GABRB2: variants seen among roughly 807,000 people sequenced by gnomAD.
GABRB2 encodes the protein gamma-aminobutyric acid type A receptor subunit beta2.
GABRB2 carries 16 observed loss-of-function variants against 54.7 expected under a neutral mutation model. The ratio of observed to expected loss-of-function variants is 0.29; its 90% CI spans 0.20 to 0.44. GABRB2 has a LOEUF of 0.44. Among genes scored for constraint, GABRB2 ranks in the 20% least tolerant of loss-of-function variants. The pLI, the probability that GABRB2 is intolerant of heterozygous loss-of-function variation, is 1.00. For missense variants in GABRB2, 355 were observed against 644.0 expected (o/e 0.55, Z 4.86); for synonymous variants, 244 against 233.8 (o/e 1.04, Z -0.40).
At position 161,331,077 on chromosome 5, in the gene GABRB2, T is replaced by C; in HGVS notation, c.883A>G (p.Thr295Ala). ...MTTINTHLRE[T>A]LPKIPYVKAI... ...TTCACATAGGGGATTTTAGGGAGAG[T>C]TTCCCGGAGGTGGGTGTTGATTGTG... The change falls in exon 8 of 10, where the codon ACT (threonine) becomes GCT (alanine). Residue 295 changes from threonine (T) to alanine (A), a missense_variant. By Grantham distance (58) the Thr-to-Ala change is moderately conservative. Around this residue, in one of 6 missense-constraint regions of GABRB2, gnomAD observed 25 missense variants for 137.4 expected, o/e 0.18. Coordinates refer to ENST00000393959, the MANE Select transcript of GABRB2 (RefSeq NM_001371727.1). The C allele has an allele frequency of 6.2e-7, 1 of 1,607,058 alleles. No individual in the cohort carries two copies. The highest frequency in any genetic ancestry group is 8.5e-7 in the Non-Finnish European group (1 of 1,175,022).
intron 4 of GABRB2, among the ~76,000 whole-genome samples, chr5:161,424,667 T>A (rs1312447170): frequency 6.6e-6 from 1 of 152,112 alleles, no homozygotes; most frequent in African/African-American, 2.4e-5. Context: ...AGGAAATTAA[T>A]ATTTTTAGGC....
At chr5:161,436,808 G>A (rs1307456199) in intron 4 of GABRB2, among the ~76,000 whole-genome samples, 1 of 152,164 alleles carries the variant, frequency 6.6e-6, no homozygotes, top group African/African-American at 2.4e-5. Context: ...GAGTAGTGCT[G>A]AGAGCATCTC....
chr5:161,538,205 T>G (rs1375349821), intron 3 of GABRB2, among the ~76,000 whole-genome samples: 1 of 152,174 alleles, frequency 6.6e-6, no homozygotes, highest in Non-Finnish European at 1.5e-5. Flanking sequence ...AGTGAATTTT[T>G]CACTCAATAC....
chr5:161,481,081 C>A (rs1244900625), intron 3 of GABRB2, among the ~76,000 whole-genome samples: 1 of 151,784 alleles, frequency 6.6e-6, no homozygotes, highest in Non-Finnish European at 1.5e-5. Context: ...CGCATTTAAC[C>A]AAATATGTGG....
At chr5:161,402,460 GA>G (rs1756226672) in intron 5 of GABRB2, among the ~76,000 whole-genome samples, 1 of 151,978 alleles carries the variant, frequency 6.6e-6, no homozygotes, top group Admixed American at 6.6e-5. Context: ...TAAAAGGAAG[GA>G]ATAGTAATAA....
At chr5:161,386,713 T>C (rs1311093569) in intron 5 of GABRB2, among the ~76,000 whole-genome samples, 2 of 151,826 alleles carry the variant, frequency 1.3e-5, no homozygotes, top group Admixed American at 6.6e-5. Flanking sequence ...AGCTAATTTT[T>C]GTATTTTTGG....
At chr5:161,394,065 T>C (rs1755920205) in intron 5 of GABRB2, among the ~76,000 whole-genome samples, 1 of 152,004 alleles carries the variant, frequency 6.6e-6, no homozygotes, top group Non-Finnish European at 1.5e-5. Flanking sequence ...AAGATTACTA[T>C]ATATAGGAAA....
intron 5 of GABRB2, among the ~76,000 whole-genome samples, chr5:161,388,281 A>G (rs1755708338): frequency 6.6e-6 from 1 of 152,174 alleles, no homozygotes; most frequent in Non-Finnish European, 1.5e-5. Context: ...CAGAAAAGAT[A>G]CTCAAAACAG....
intron 5 of GABRB2, among the ~76,000 whole-genome samples, chr5:161,365,653 G>A (rs1754950786): frequency 6.6e-6 from 1 of 152,106 alleles, no homozygotes; most frequent in Non-Finnish European, 1.5e-5. Flanking sequence ...TGCAGATGAA[G>A]AATTAGAAAC....
intron 9 of GABRB2, among the ~76,000 whole-genome samples, chr5:161,295,648 G>T (rs1011291723): frequency 6.6e-6 from 1 of 152,148 alleles, no homozygotes; most frequent in Admixed American, 6.5e-5. Flanking sequence ...AAAAAAGAAT[G>T]TCATTAAGAT....
At chr5:161,491,328 C>G (rs1348722832) in intron 3 of GABRB2, among the ~76,000 whole-genome samples, 1 of 151,572 alleles carries the variant, frequency 6.6e-6, no homozygotes. Context: ...TGGCTCATGA[C>G]TTAATGGCAC....
intron 9 of GABRB2, among the ~76,000 whole-genome samples, chr5:161,305,057 C>T (rs1401113718): frequency 5.0e-5 from 7 of 139,816 alleles, no homozygotes; most frequent in East Asian, 2.1e-4. Flanking sequence ...TCGCCCAGGC[C>T]GGACTGCGGA....
intron 4 of GABRB2, among the ~76,000 whole-genome samples, chr5:161,422,239 A>G (rs1253067849): frequency 6.6e-6 from 1 of 152,160 alleles, no homozygotes; most frequent in Admixed American, 6.5e-5. Context: ...TAGTTGGGCA[A>G]AAAATCTCAG....
intron 5 of GABRB2, among the ~76,000 whole-genome samples, chr5:161,370,028 T>C (rs1755087996): frequency 6.6e-6 from 1 of 152,108 alleles, no homozygotes; most frequent in Non-Finnish European, 1.5e-5. Flanking sequence ...TAAGTTATCA[T>C]CTCAGTGATG....
intron 3 of GABRB2, among the ~76,000 whole-genome samples, chr5:161,493,085 T>C (rs879365700): frequency 3.3e-5 from 5 of 151,798 alleles, no homozygotes; most frequent in Non-Finnish European, 5.9e-5. Flanking sequence ...CCAAGTGATA[T>C]ATGAATTTTT....
intron 4 of GABRB2, among the ~76,000 whole-genome samples, chr5:161,456,352 T>TTTCATTA (rs1757955389): frequency 6.6e-6 from 1 of 152,212 alleles, no homozygotes; most frequent in Non-Finnish European, 1.5e-5. Context: ...ATAATGCACC[T>TTTCATTA]TTCATAGAAG....
intron 3 of GABRB2, among the ~76,000 whole-genome samples, chr5:161,505,156 A>G (rs1174387002): frequency 7.2e-6 from 1 of 138,964 alleles, no homozygotes; most frequent in Non-Finnish European, 1.5e-5. Context: ...TTTGAGACTG[A>G]GTCTCGCTGT....
At chr5:161,493,060 T>C (rs1561670335) in intron 3 of GABRB2, among the ~76,000 whole-genome samples, 1 of 151,796 alleles carries the variant, frequency 6.6e-6, no homozygotes, top group Non-Finnish European at 1.5e-5. Flanking sequence ...TTGTGTTAAG[T>C]GAAAGTAAGC....
At chr5:161,462,842 C>A (rs1174982296) in intron 3 of GABRB2, among the ~76,000 whole-genome samples, 1 of 152,058 alleles carries the variant, frequency 6.6e-6, no homozygotes, top group Non-Finnish European at 1.5e-5. Flanking sequence ...AATGTTAGTG[C>A]GCATAAAAAG....
Sources: gnomAD v4.1 joint callset for allele counts (sites outside exome capture counted in the v4.1 genomes callset) on GRCh38, gnomAD v4.1.1 for gene constraint, gnomAD v4.1.1 regional missense constraint, MANE v1.5 for transcripts, NCBI Gene and HGNC (gene_info 2026-07-23, HGNC 2026-07-21) for gene names.